TAFA5: variants seen among roughly 807,000 people sequenced by gnomAD.
TAFA5 encodes the protein chemokine-like protein TAFA-5.
In TAFA5, 6 loss-of-function variants were observed where a neutral mutation model predicts 15.3. The observed-to-expected ratio is 0.39, with a 90% CI of 0.21 to 0.77. The LOEUF (loss-of-function observed/expected upper bound fraction) is 0.77, where lower values mean the gene tolerates loss of function less well. Ranked by LOEUF, TAFA5 falls within the 30% of genes least tolerant of loss-of-function variation. TAFA5 has a pLI of 0.41. For synonymous variants in TAFA5, 103 were observed against 80.7 expected (o/e 1.28, Z -1.48); for missense variants, 161 against 193.1 (o/e 0.83, Z 0.98).
At chr22:48,641,687 C>G (rs937019464) in intron 1 of TAFA5, among the ~76,000 whole-genome samples, 2 of 151,574 alleles carry the variant, frequency 1.3e-5, no homozygotes, top group Non-Finnish European at 2.9e-5. Flanking sequence ...CGCGTGTGCA[C>G]ACGGCCTCGC....
At chr22:48,634,424 TTCAC>T (rs59761535) in intron 1 of TAFA5, among the ~76,000 whole-genome samples, 2,056 of 152,230 alleles carry the variant, frequency 0.014, 49 homozygotes, top group African/African-American at 0.047. Context: ...CCTTTACTCA[TTCAC>T]TCACTCATTC....
intron 1 of TAFA5, among the ~76,000 whole-genome samples, chr22:48,601,944 G>C (rs879757208): frequency 2.9e-4 from 43 of 147,956 alleles, no homozygotes; most frequent in Admixed American, 2.9e-3. Context: ...TTGATGGGCT[G>C]TCTCATGGCT....
At chr22:48,545,189 T>A (rs4823805) in intron 1 of TAFA5, 34 of 296,024 alleles carry the variant, frequency 1.1e-4, no homozygotes, top group Admixed American at 4.6e-4. Flanking sequence ...TGCCCTCCCC[T>A]CAGTCTTTCC....
rs970657299 is a variant in TAFA5, at chr22:48,732,458, G to A, written c.391-17381G>A. Among the ~76,000 whole-genome samples the A allele has an allele frequency of 3.9e-5, 6 of 152,150 alleles. No homozygotes were observed. In the South Asian group the frequency reaches 1.0e-3, roughly 26 times the overall value. ...TTTTTAGTAGAGACGGGGTTTCACC[G>A]TGTTAGCCAGGATGGTCTCGATCTC... On this transcript the variant is annotated intron_variant, in intron 3 of 3. Coordinates refer to ENST00000402357, the MANE Select transcript of TAFA5 (RefSeq NM_001082967.3).
chr22:48,722,969 C>T (rs187926695), intron 3 of TAFA5, among the ~76,000 whole-genome samples: 2 of 152,292 alleles, frequency 1.3e-5, no homozygotes, highest in East Asian at 1.9e-4. Flanking sequence ...CAGGGGAGCC[C>T]GTCTTCTCCT....
At chr22:48,676,120 T>C (rs58234465) in intron 2 of TAFA5, among the ~76,000 whole-genome samples, 5 of 152,210 alleles carry the variant, frequency 3.3e-5, no homozygotes, top group Non-Finnish European at 5.9e-5. Context: ...GCAGCCTCCC[T>C]GGGCCACAGC....
chr22:48,529,058 C>T lies in TAFA5; in HGVS notation c.112+39354C>T, dbSNP rs572383472. On this transcript the variant is annotated intron_variant, in intron 1 of 3. Coordinates refer to ENST00000402357, the MANE Select transcript of TAFA5 (RefSeq NM_001082967.3). ...AGGGCACTAGAACCCTCTGAGGGGC[C>T]CTAGCAGGGCAGTGACTGCTTAAAC... 3.9e-5 allele frequency among the ~76,000 whole-genome samples: 6 copies of T among 152,318 alleles called. No individual in the cohort carries two copies. In the South Asian group the frequency reaches 1.2e-3, roughly 32 times the overall value.
intron 1 of TAFA5, among the ~76,000 whole-genome samples, chr22:48,494,760 C>T (rs976495329): frequency 7.2e-5 from 11 of 152,328 alleles, no homozygotes; most frequent in East Asian, 3.9e-4. Context: ...CTAAGACTCA[C>T]GGCAGCAGCA....
At chr22:48,615,209 G>A (rs1054008341) in intron 1 of TAFA5, among the ~76,000 whole-genome samples, 1 of 152,146 alleles carries the variant, frequency 6.6e-6, no homozygotes, top group Non-Finnish European at 1.5e-5. Context: ...TGGGGAAGAC[G>A]GGAACAGTGA....
At chr22:48,509,276 T>C (rs1458248559) in intron 1 of TAFA5, among the ~76,000 whole-genome samples, 1 of 152,192 alleles carries the variant, frequency 6.6e-6, no homozygotes, top group Non-Finnish European at 1.5e-5. Flanking sequence ...AACATGAGGC[T>C]GAGGCTGCCC....
At chr22:48,721,651 T>C (rs963029119) in intron 3 of TAFA5, among the ~76,000 whole-genome samples, 2 of 152,184 alleles carry the variant, frequency 1.3e-5, no homozygotes, top group African/African-American at 2.4e-5. Flanking sequence ...AAGATGAACT[T>C]ATTCCTTCCT....
intron 1 of TAFA5, among the ~76,000 whole-genome samples, chr22:48,633,301 G>A (rs1236642761): frequency 6.6e-6 from 1 of 152,246 alleles, no homozygotes; most frequent in Non-Finnish European, 1.5e-5. Context: ...TGTGGCCTGG[G>A]AGACTGGGCA....
At chr22:48,644,642 C>G (rs1197051557) in intron 1 of TAFA5, among the ~76,000 whole-genome samples, 1 of 152,230 alleles carries the variant, frequency 6.6e-6, no homozygotes, top group Non-Finnish European at 1.5e-5. Flanking sequence ...TCTGCCCTGG[C>G]CAGGGTGCTG....
chr22:48,590,128 C>T (rs990004756), intron 1 of TAFA5, among the ~76,000 whole-genome samples: 4 of 152,036 alleles, frequency 2.6e-5, no homozygotes, highest in Admixed American at 1.3e-4. Context: ...ACAGATGCTC[C>T]GTCAGCATGA....
At chr22:48,501,436 G>A (rs764205956) in intron 1 of TAFA5, among the ~76,000 whole-genome samples, 2 of 152,220 alleles carry the variant, frequency 1.3e-5, no homozygotes, top group Non-Finnish European at 2.9e-5. Flanking sequence ...GTGCTGCAGA[G>A]GCTGGCGGCG....
intron 1 of TAFA5, among the ~76,000 whole-genome samples, chr22:48,572,537 C>T (rs1923625267): frequency 2.0e-5 from 3 of 152,318 alleles, no homozygotes; most frequent in East Asian, 1.9e-4. Flanking sequence ...TGACCAAAGT[C>T]CTTAACTCTG....
At chr22:48,532,531 T>G (rs1034313530) in intron 1 of TAFA5, among the ~76,000 whole-genome samples, 4 of 152,244 alleles carry the variant, frequency 2.6e-5, no homozygotes, top group Non-Finnish European at 5.9e-5. Flanking sequence ...AGTCAACGAT[T>G]ACGCACTGTC....
chr22:48,660,193 C>T (rs5771692), intron 2 of TAFA5, among the ~76,000 whole-genome samples: 68,006 of 152,054 alleles, frequency 0.45, 15,702 homozygotes, highest in South Asian at 0.62. Context: ...TCTTCGGACA[C>T]GCTGTGCCCT....
At chr22:48,659,512 C>T (rs372336571) in intron 2 of TAFA5, among the ~76,000 whole-genome samples, 217 of 152,344 alleles carry the variant, frequency 1.4e-3, no homozygotes, top group African/African-American at 4.8e-3. Context: ...CTGGGCTGGA[C>T]GGTGGATGTG....
Sources: allele counts gnomAD v4.1 joint callset (sites outside exome capture counted in the v4.1 genomes callset), GRCh38; gene constraint gnomAD v4.1.1; transcripts MANE v1.5; gene names NCBI Gene and HGNC (gene_info 2026-07-23, HGNC 2026-07-21).